STXBP5: variants seen among roughly 807,000 people sequenced by gnomAD.
STXBP5 encodes the protein syntaxin binding protein 5.
In STXBP5, 50 loss-of-function variants were observed where a neutral mutation model predicts 152.4. The observed-to-expected ratio is 0.33, with a 90% CI of 0.26 to 0.42. The LOEUF (loss-of-function observed/expected upper bound fraction) is 0.42. Among genes scored for constraint, STXBP5 ranks in the 10% least tolerant of loss-of-function variants. The pLI is 1.00. For synonymous variants in STXBP5, 492 were observed against 494.7 expected (o/e 0.99, Z 0.07); for missense variants, 1,167 against 1,388.6 (o/e 0.84, Z 2.54).
intron 7 of STXBP5, 66 bp downstream of exon 7, chr6:147,267,233 C>T: frequency 7.3e-7 from 1 of 1,364,938 alleles, no homozygotes. Flanking sequence ...TCTCTAAAAA[C>T]TTAATTGGTA....
chr6:147,301,933 T>TA (rs1209636201), intron 9 of STXBP5, among the ~76,000 whole-genome samples: 1 of 152,150 alleles, frequency 6.6e-6, no homozygotes, highest in Non-Finnish European at 1.5e-5. Flanking sequence ...AGGTGACTAT[T>TA]ATAGCTTTGT....
intron 25 of STXBP5, among the ~76,000 whole-genome samples, chr6:147,372,161 C>T (rs1785570093): frequency 6.6e-6 from 1 of 151,962 alleles, no homozygotes; most frequent in Non-Finnish European, 1.5e-5. Context: ...CTTCAGTCCA[C>T]TTCAGTCTTA....
At chr6:147,352,241 T>C (rs1178509384) in intron 21 of STXBP5, among the ~76,000 whole-genome samples, 1 of 152,202 alleles carries the variant, frequency 6.6e-6, no homozygotes, top group Admixed American at 6.5e-5. Context: ...AATAGAAGAG[T>C]TAACTTATAT....
At chr6:147,258,711 G>A (rs1223373045) in intron 4 of STXBP5, among the ~76,000 whole-genome samples, 1 of 152,176 alleles carries the variant, frequency 6.6e-6, no homozygotes, top group Non-Finnish European at 1.5e-5. Context: ...GGGATTACAG[G>A]CGTGAGCCAC....
At chr6:147,264,966 T>C (rs1464423152) in intron 6 of STXBP5, among the ~76,000 whole-genome samples, 2 of 152,086 alleles carry the variant, frequency 1.3e-5, no homozygotes, top group African/African-American at 2.4e-5. Context: ...CTTAAAGTTA[T>C]ATGGCTATTA....
At position 147,352,850 on chromosome 6, in the gene STXBP5, T is replaced by C. The variant is rs953667662; in HGVS notation, c.2255-473T>C. On this transcript the variant is annotated intron_variant, in intron 21 of 27. Transcript: ENST00000321680. ...TAAAAATTTTAAGTACAAAAAGATA[T>C]TACATCAAGTAAGTAAAAACTTTTA... Among the ~76,000 whole-genome samples the C allele has an allele frequency of 3.9e-5, 6 of 152,100 alleles. No individual in the cohort carries two copies. In the South Asian group the frequency reaches 6.2e-4, roughly 16 times the overall value.
At chr6:147,373,187 C>A (rs564291118) in intron 25 of STXBP5, among the ~76,000 whole-genome samples, 1 of 151,516 alleles carries the variant, frequency 6.6e-6, no homozygotes, top group East Asian at 1.9e-4. Flanking sequence ...GCCAACATGG[C>A]GCAAAACCTG....
At chr6:147,262,782 T>TA (rs1444354739) in intron 6 of STXBP5, among the ~76,000 whole-genome samples, 3 of 151,720 alleles carry the variant, frequency 2.0e-5, no homozygotes, top group Admixed American at 6.6e-5. Context: ...TTGTCATAAA[T>TA]AGTTCTAATT....
At chr6:147,375,691 A>G (rs1021671055) in intron 26 of STXBP5, among the ~76,000 whole-genome samples, 1 of 151,476 alleles carries the variant, frequency 6.6e-6, no homozygotes, top group African/African-American at 2.4e-5. Flanking sequence ...TGATCCACAA[A>G]TTTGAGAAGC....
intron 19 of STXBP5, 42 bp downstream of exon 19, chr6:147,334,264 CA>C (rs751008044): frequency 3.5e-5 from 55 of 1,570,952 alleles, no homozygotes; most frequent in South Asian, 5.7e-5. Flanking sequence ...TTATGATTTA[CA>C]AAATCCAAGA....
At chr6:147,272,188 A>G (rs1780204293) in intron 7 of STXBP5, among the ~76,000 whole-genome samples, 1 of 152,066 alleles carries the variant, frequency 6.6e-6, no homozygotes, top group African/African-American at 2.4e-5. Context: ...ACCAAATAAT[A>G]CCTGTTGTAC....
intron 4 of STXBP5, among the ~76,000 whole-genome samples, chr6:147,251,782 T>C (rs1779108561): frequency 6.6e-6 from 1 of 152,154 alleles, no homozygotes; most frequent in African/African-American, 2.4e-5. Context: ...CTGACCCCCA[T>C]GTATCCTTAC....
intron 4 of STXBP5, among the ~76,000 whole-genome samples, chr6:147,252,445 G>C (rs1237819703): frequency 1.3e-5 from 2 of 151,870 alleles, no homozygotes; most frequent in East Asian, 3.9e-4. Flanking sequence ...ACAAGTATCA[G>C]TAGCCAAATT....
intron 18 of STXBP5, among the ~76,000 whole-genome samples, chr6:147,330,072 T>G (rs921793688): frequency 1.3e-5 from 2 of 152,180 alleles, no homozygotes; most frequent in Admixed American, 1.3e-4. Flanking sequence ...CATAGCTGTA[T>G]TACAATACAG....
intron 8 of STXBP5, among the ~76,000 whole-genome samples, chr6:147,290,217 G>GA (rs1218494518): frequency 6.6e-6 from 1 of 151,600 alleles, no homozygotes; most frequent in African/African-American, 2.4e-5. Flanking sequence ...TCAAAAAAAA[G>GA]AAAAAAAATT....
chr6:147,298,203 T>C (rs2128359053), intron 9 of STXBP5, among the ~76,000 whole-genome samples: 1 of 152,050 alleles, frequency 6.6e-6, no homozygotes, highest in South Asian at 2.1e-4. Flanking sequence ...TTATAAAATA[T>C]CAGATAAAAT....
At chr6:147,370,386 A>G (rs975999300) in intron 25 of STXBP5, among the ~76,000 whole-genome samples, 3 of 152,056 alleles carry the variant, frequency 2.0e-5, no homozygotes, top group Non-Finnish European at 4.4e-5. Context: ...AATATATGCC[A>G]GTTTTTGTAT....
chr6:147,252,511 C>T (rs890137003), intron 4 of STXBP5, among the ~76,000 whole-genome samples: 7 of 151,518 alleles, frequency 4.6e-5, no homozygotes, highest in South Asian at 2.1e-4. Context: ...TAAAGCATGA[C>T]GACAAGATTA....
At chr6:147,297,470 G>T (rs577360729) in intron 9 of STXBP5, among the ~76,000 whole-genome samples, 98 of 152,242 alleles carry the variant, frequency 6.4e-4, no homozygotes, top group African/African-American at 2.3e-3. Flanking sequence ...CCTACAGCAA[G>T]AAGTGAAAAG....
Sources: gnomAD v4.1 joint callset for allele counts (sites outside exome capture counted in the v4.1 genomes callset) on GRCh38, gnomAD v4.1.1 for gene constraint, MANE v1.5 for transcripts, NCBI Gene and HGNC (gene_info 2026-07-23, HGNC 2026-07-21) for gene names.